Variants in UBE3B observed in about 807,000 individuals in gnomAD.
UBE3B encodes ubiquitin protein ligase E3B, also known as ubiquitin-protein ligase E3B.
A neutral mutation model predicts 132.3 loss-of-function variants in UBE3B; 80 were observed. The ratio of observed to expected loss-of-function variants is 0.60; its 90% CI spans 0.50 to 0.73. The LOEUF (loss-of-function observed/expected upper bound fraction) is 0.73, where lower values mean the gene tolerates loss of function less well. Among genes scored for constraint, UBE3B ranks in the 30% least tolerant of loss-of-function variants. UBE3B has a pLI of 0.00. For synonymous variants in UBE3B, 487 were observed against 520.4 expected, an observed-to-expected ratio of 0.94 and a Z score of 0.87; for missense variants, 1,196 against 1,362.5, an observed-to-expected ratio of 0.88 and a Z score of 1.92.
In UBE3B at chr12:109,521,184, G is replaced by T. The variant is rs747781423; in HGVS notation, c.2113G>T (p.Ala705Ser). ...GCAGCTTAGGCAGCTCTCCCAGCAC[G>T]CCATGAAGGGGGTCATCCGTGTGAA... ...YEQLRQLSQH[A>S]MKGVIRVKFV... Residue 705 changes from alanine (A) to serine (S), a missense_variant, in exon 20 of 28, where the codon GCC becomes TCC. Ala to Ser is a moderately conservative substitution (Grantham distance 99). Coordinates refer to ENST00000342494, the MANE Select transcript of UBE3B (RefSeq NM_130466.4). The surrounding 1 kb of genome is among the most constrained non-coding windows in gnomAD (Gnocchi z 4.2). The T allele has an allele frequency of 1.1e-5, 17 of 1,614,204 alleles. No homozygotes were observed. In the South Asian group the frequency reaches 1.8e-4, roughly 17 times the overall value.
chr12:109,543,790 C>T, the UBE3B span, among the ~76,000 whole-genome samples: 11 of 151,762 alleles, frequency 7.2e-5, no homozygotes, highest in African/African-American at 2.4e-4. Context: ...GCTGAGATTG[C>T]GCCACTGCAC....
intron 17 of UBE3B, 36 bp from the exon 18 acceptor site, chr12:109,511,168 T>C (rs1278220850): frequency 6.2e-7 from 1 of 1,603,002 alleles, no homozygotes. Flanking sequence ...GGTTTCCTTC[T>C]TTTAATTCTC....
Position 109,534,008 on chromosome 12 carries a change from T to G in UBE3B, c.3015+450T>G. ...ATTGGCCAAAGGAGAAGGAAAGCCT[T>G]CAGGGTTACGGAGCTCTGTGTGTCT... On this transcript the variant is annotated intron_variant, in intron 27 of 27. Transcript: ENST00000342494. This position sits in a 1 kb window ranked among gnomAD's most constrained non-coding sequence, Gnocchi z 5.2. The G allele has an allele frequency of 7.7e-7, 1 of 1,295,710 alleles. No homozygotes were observed. Among genetic ancestry groups the G allele is most frequent in the Non-Finnish European group, 1.0e-6 (1 of 993,516 alleles). 80.3% of individuals were successfully genotyped at this position (1,295,710 alleles called of 1,614,324 possible). A position where few individuals can be genotyped will look rare whatever the true frequency, so the allele number is the denominator to read the frequency against.
At chr12:109,489,813 A>G in intron 7 of UBE3B, 106 bp from the exon 8 acceptor site, 4 of 959,516 alleles carry the variant, frequency 4.2e-6, no homozygotes, top group Non-Finnish European at 5.0e-6. Flanking sequence ...GCCAGGGGGT[A>G]TCTCATTTCT....
intron 9 of UBE3B, chr12:109,491,382 T>G (rs991960160): frequency 1.7e-5 from 6 of 358,094 alleles, no homozygotes; most frequent in Non-Finnish European, 2.5e-5. Context: ...TCAAAATGAA[T>G]TTCTTTTATC....
chr12:109,487,632 G>A (rs1470466443), intron 6 of UBE3B, among the ~76,000 whole-genome samples: 1 of 152,210 alleles, frequency 6.6e-6, no homozygotes, highest in African/African-American at 2.4e-5. Context: ...GCAGATCCTT[G>A]TTTATCTGCT....
At chr12:109,483,081 C>A (rs1021808284) in intron 2 of UBE3B, among the ~76,000 whole-genome samples, 2 of 152,186 alleles carry the variant, frequency 1.3e-5, no homozygotes, top group Non-Finnish European at 2.9e-5. Flanking sequence ...ATTTTTCTCT[C>A]GAGTCCTTAC....
chr12:109,543,325 A>G, the UBE3B span, among the ~76,000 whole-genome samples: 2 of 152,242 alleles, frequency 1.3e-5, no homozygotes, highest in African/African-American at 4.8e-5. Context: ...ACCAGGTGCC[A>G]GAAACCAGCC....
Position 109,507,747 on chromosome 12 carries a change from G to A in UBE3B, c.1622+12G>A. On this transcript the variant is annotated intron_variant, in intron 15 of 27. Coordinates refer to ENST00000342494, the MANE Select transcript of UBE3B (RefSeq NM_130466.4). ...CGGCACCTCATCACGTAGGTTGACT[G>A]CTGTGGGACTGAATTCCTTTCCTAG... 6.2e-7 allele frequency: 1 copy of A among 1,604,852 alleles called. No individual in the cohort carries two copies. Among genetic ancestry groups the A allele is most frequent in the South Asian group, 1.1e-5 (1 of 89,946 alleles).
chr12:109,507,656 C>G lies in UBE3B; in HGVS notation c.1543C>G (p.Leu515Val), dbSNP rs1879862579. The stretch of plus-strand genomic sequence containing the variant: ...AGGGTTAAAGCTCTTCTTGGAATGC[C>G]TGAACAATGACACTGAAGAGTCCAA... The part of the protein sequence containing the change: ...HGGLKLFLEC[L>V]NNDTEESKQL... Residue 515 changes from leucine (L) to valine (V), a missense_variant, in exon 15 of 28, where the codon CTG becomes GTG. By Grantham distance (32) the Leu-to-Val change is conservative. Coordinates refer to ENST00000342494, the MANE Select transcript of UBE3B (RefSeq NM_130466.4). 8 of 1,614,160 alleles carry G rather than the reference C, an allele frequency of 5.0e-6. No individual in the cohort carries two copies. The highest frequency in any genetic ancestry group is 1.3e-5 in the African/African-American group (1 of 75,032).
chr12:109,479,998 C>T (rs2135729552), intron 1 of UBE3B, among the ~76,000 whole-genome samples: 1 of 152,230 alleles, frequency 6.6e-6, no homozygotes, highest in East Asian at 1.9e-4. Context: ...TTTTGCAGTC[C>T]TGAGGAGCTT....
intron 16 of UBE3B, among the ~76,000 whole-genome samples, 190 bp from the exon 17 acceptor site, chr12:109,510,154 C>G (rs1293768399): frequency 1.3e-5 from 2 of 152,170 alleles, no homozygotes; most frequent in Non-Finnish European, 2.9e-5. Flanking sequence ...GTGATTTTGT[C>G]TGAGAGGTAC....
Position 109,490,591 on chromosome 12 carries a change from C to G in UBE3B, c.631-454C>G, listed in dbSNP as rs1037456689. The G allele has an allele frequency of 2.6e-6, 4 of 1,535,750 alleles. No individual in the cohort carries two copies. The African/African-American group carries it at 5.5e-5, about 21-fold the overall frequency. On this transcript the variant is annotated intron_variant, in intron 8 of 27. Coordinates refer to ENST00000342494, the MANE Select transcript of UBE3B (RefSeq NM_130466.4). The stretch of plus-strand genomic sequence containing the variant: ...GCTGGTATGACTGGCAGTTGTCTCG[C>G]TAGAGGAACCTTCTACTTCATACCA...
intron 19 of UBE3B, chr12:109,519,887 A>ATAAGAT (rs10675153): frequency 0.57 from 86,199 of 151,600 alleles, 25,586 homozygotes; most frequent in African/African-American, 0.73. Flanking sequence ...TAACCCCTGA[A>ATAAGAT]TCGGGGCACC....
intron 8 of UBE3B, chr12:109,490,265 C>T: frequency 1.4e-5 from 15 of 1,046,492 alleles, no homozygotes; most frequent in Middle Eastern, 2.5e-4. Flanking sequence ...GACATTTAAA[C>T]TCTGGAAGGA....
intron 8 of UBE3B, chr12:109,490,825 G>GTTTTTTTT: frequency 8.9e-7 from 1 of 1,124,268 alleles, no homozygotes; most frequent in Non-Finnish European, 1.2e-6. Context: ...TTGTTTTTTT[G>GTTTTTTTT]TTTTTTTTTT....
At chr12:109,537,730 G>A (rs1422165044), downstream of UBE3B, among the ~76,000 whole-genome samples, 1 of 152,004 alleles carries the variant, frequency 6.6e-6, no homozygotes, top group Non-Finnish European at 1.5e-5. Flanking sequence ...TTTTTGAGAT[G>A]GAGTCTCGCT....
Position 109,534,426 on chromosome 12 carries a change from G to C in UBE3B, c.3016-165G>C. 1 of 1,422,104 alleles carries C rather than the reference G, an allele frequency of 7.0e-7. No homozygotes were observed. Among genetic ancestry groups the C allele is most frequent in the South Asian group, 1.6e-5 (1 of 63,060 alleles). The allele number at this position is 1,422,104 out of a possible 1,614,324, so 88.1% of individuals were successfully genotyped here. Reference sequence around the variant, plus strand: ...TCCTTCTCTGGAAGCCAGTCGTCTTGTGTCTGGGGCTTGACCTCGGGTAGT... The same window carrying C: ...TCCTTCTCTGGAAGCCAGTCGTCTTCTGTCTGGGGCTTGACCTCGGGTAGT... On this transcript the variant is annotated intron_variant, in intron 27 of 27. Coordinates refer to ENST00000342494, the MANE Select transcript of UBE3B (RefSeq NM_130466.4). This position sits in a 1 kb window ranked among gnomAD's most constrained non-coding sequence, Gnocchi z 5.2.
At chr12:109,500,561 G>T (rs888340106) in intron 12 of UBE3B, among the ~76,000 whole-genome samples, 4 of 152,186 alleles carry the variant, frequency 2.6e-5, no homozygotes, top group African/African-American at 9.6e-5. Context: ...GGAACAGCCT[G>T]CCCCAGCGTG....
Sources: allele counts gnomAD v4.1 joint callset (sites outside exome capture counted in the v4.1 genomes callset), GRCh38; gene constraint gnomAD v4.1.1; non-coding constraint Gnocchi (gnomAD v3.1); transcripts MANE v1.5; gene names NCBI Gene and HGNC (gene_info 2026-07-23, HGNC 2026-07-21).